RCHY1: variants seen among roughly 807,000 people sequenced by gnomAD.
The protein encoded by RCHY1 is ring finger and CHY zinc finger domain containing 1.
Under a neutral mutation model 41.6 loss-of-function variants are expected in RCHY1, and 21 were observed. That is an observed-to-expected ratio of 0.51 (90% CI 0.36 to 0.73). The LOEUF (loss-of-function observed/expected upper bound fraction) is 0.73, where lower values mean the gene tolerates loss of function less well. Ranked by LOEUF, RCHY1 falls within the 30% of genes least tolerant of loss-of-function variation. RCHY1 has a pLI of 0.00. For synonymous variants in RCHY1, 79 were observed against 102.9 expected (o/e 0.77, Z 1.41); for missense variants, 265 against 325.3 (o/e 0.81, Z 1.43).
intron 3 of RCHY1, among the ~76,000 whole-genome samples, chr4:75,504,678 G>A (rs1286562621): frequency 6.6e-6 from 1 of 152,090 alleles, no homozygotes; most frequent in Non-Finnish European, 1.5e-5. Context: ...CATTGTTCAA[G>A]GGTCAAAAGC....
At position 75,514,294 on chromosome 4, in the gene RCHY1, A is replaced by AC. The variant is rs1560536602; in HGVS notation, c.-9dup. The AC allele has an allele frequency of 6.2e-7, 1 of 1,606,058 alleles. No homozygotes were observed. The highest frequency in any genetic ancestry group is 1.7e-5 in the Admixed American group (1 of 59,722). On this transcript the variant is annotated 5_prime_UTR_variant, in exon 1 of 9. Coordinates refer to ENST00000324439, the MANE Select transcript of RCHY1 (RefSeq NM_015436.4). ...CCGGGCCGTCGCCGCCATCTCCTCCACCTCCCCTCACATTCCACCGATCCT... is the reference window on the plus strand; with the variant it reads ...CCGGGCCGTCGCCGCCATCTCCTCCACCCTCCCCTCACATTCCACCGATCCT...
Position 75,514,181 on chromosome 4 carries a change from C to T in RCHY1, c.90+16G>A, listed in dbSNP as rs1478419930. On this transcript the variant is annotated intron_variant, in intron 1 of 8. Transcript: ENST00000324439. The stretch of plus-strand genomic sequence containing the variant: ...TGACGGAAGCTTGTCAGGGAAGAGT[C>T]CATAGAAGGCGTCACCTTTAGGAGA... The T allele has an allele frequency of 3.7e-6, 6 of 1,606,110 alleles. No individual in the cohort carries two copies. In the East Asian group the frequency reaches 9.0e-5, roughly 24 times the overall value.
intron 1 of RCHY1, among the ~76,000 whole-genome samples, chr4:75,513,152 T>C (rs1725117780): frequency 6.6e-6 from 1 of 152,156 alleles, no homozygotes. Flanking sequence ...TCCAGTTCAG[T>C]GGAGCAATGT....
rs570112850 is a variant in RCHY1, at chr4:75,479,064, T to A, written c.*3474A>T. 3 of 152,262 alleles carry A rather than the reference T, an allele frequency of 2.0e-5. No homozygotes were observed. The East Asian group carries it at 5.8e-4, about 29-fold the overall frequency. The allele number at this position is 152,262 out of a possible 1,614,324, so 9.4% of individuals were successfully genotyped here. A position where few individuals can be genotyped will look rare whatever the true frequency, so the allele number is the denominator to read the frequency against. ...AGACAAGAGGAATAAACTTTACTGA[T>A]CTATTACACAGAATGGTGAGTATAA... On this transcript the variant is annotated 3_prime_UTR_variant, in exon 9 of 9. Transcript: ENST00000324439.
intron 3 of RCHY1, among the ~76,000 whole-genome samples, chr4:75,496,996 A>G (rs1401840254): frequency 6.6e-6 from 1 of 152,122 alleles, no homozygotes; most frequent in Non-Finnish European, 1.5e-5. Context: ...AATATGAAAA[A>G]TATGTTTAAA....
At chr4:75,508,161 A>G (rs1003527137) in intron 3 of RCHY1, among the ~76,000 whole-genome samples, 6 of 152,190 alleles carry the variant, frequency 3.9e-5, no homozygotes, top group African/African-American at 1.4e-4. Context: ...TACCTCCAGC[A>G]GGGACAAGAA....
Position 75,503,479 on chromosome 4 carries a change from G to A in RCHY1, c.326+5341C>T, listed in dbSNP as rs192697367. Among the ~76,000 whole-genome samples, 105 of 152,220 alleles carry A rather than the reference G, an allele frequency of 6.9e-4. 1 individual carries two copies. The East Asian group carries it at 0.018, about 26-fold the overall frequency. ...TGGGAGGCCAAGGTGGGCGGATCAC[G>A]AGGTCAGGAGATCAAGACCATCCTG... is the stretch of plus-strand genomic sequence containing the variant. On this transcript the variant is annotated intron_variant, in intron 3 of 8. Coordinates refer to ENST00000324439, the MANE Select transcript of RCHY1 (RefSeq NM_015436.4).
chr4:75,487,095 G>T (rs964668180), intron 8 of RCHY1, among the ~76,000 whole-genome samples: 1 of 151,928 alleles, frequency 6.6e-6, no homozygotes, highest in Non-Finnish European at 1.5e-5. Context: ...AAGTTTATAA[G>T]GGAATATAAA....
rs1469850455 is a variant in RCHY1, at chr4:75,490,642, T to A, written c.596A>T (p.Gln199Leu). The A allele has an allele frequency of 6.2e-7, 1 of 1,610,578 alleles. No homozygotes were observed. Among genetic ancestry groups the A allele is most frequent in the African/African-American group, 1.3e-5 (1 of 74,848 alleles). The stretch of plus-strand genomic sequence containing the variant: ...AGTCTGTGCTACTTCATCATCCAGC[T>A]GTCTCCAATACCTGGTCATATCTAA... ...SALDMTRYWR[Q>L]LDDEVAQTPM... Residue 199 changes from glutamine (Q) to leucine (L), a missense_variant, in exon 8 of 9, where the codon CAG (glutamine) becomes CTG (leucine). Coordinates refer to ENST00000324439, the MANE Select transcript of RCHY1 (RefSeq NM_015436.4).
intron 3 of RCHY1, among the ~76,000 whole-genome samples, chr4:75,506,963 A>G (rs1449446472): frequency 1.3e-5 from 2 of 152,156 alleles, no homozygotes; most frequent in African/African-American, 4.8e-5. Flanking sequence ...GAAACCATGG[A>G]ATCAGAATAT....
Position 75,514,362 on chromosome 4 carries a change from T to C in RCHY1, c.-76A>G. On this transcript the variant is annotated 5_prime_UTR_variant, in exon 1 of 9. Transcript: ENST00000324439. ...CACGCCCAGAGAAGCTGCGCCTCTC[T>C]AGCACACCCCTCCCAGCCCCAGCGG... The C allele has an allele frequency of 1.3e-6, 2 of 1,498,140 alleles. No homozygotes were observed. Among genetic ancestry groups the C allele is most frequent in the Non-Finnish European group, 9.1e-7 (1 of 1,102,018 alleles). The allele number at this position is 1,498,140 out of a possible 1,614,324, so 92.8% of individuals were successfully genotyped here.
chr4:75,508,681 T>C (rs573421480), intron 3 of RCHY1, 139 bp downstream of exon 3: 69 of 494,270 alleles, frequency 1.4e-4, no homozygotes, highest in South Asian at 1.2e-3. Context: ...TACCGGTATT[T>C]ATCAAAACTC....
rs752420078 is a variant in RCHY1 at position 75,490,613 on chromosome 4, T to C, written c.625A>G (p.Met209Val). The C allele has an allele frequency of 3.1e-6, 5 of 1,612,674 alleles. No individual in the cohort carries two copies. The highest frequency in any genetic ancestry group is 2.2e-5 in the East Asian group (1 of 44,822). The change falls in exon 8 of 9, where the codon ATG becomes GTG. Residue 209 changes from methionine to valine, a missense_variant. By Grantham distance (21) the Met-to-Val change is conservative. Transcript: ENST00000324439. ...QLDDEVAQTP[M>V]PSEYQNMTVD... Reference sequence around the variant, plus strand: ...GTCATGTTCTGATATTCTGATGGCATAGGAGTCTGTGCTACTTCATCATCC... The same window carrying C: ...GTCATGTTCTGATATTCTGATGGCACAGGAGTCTGTGCTACTTCATCATCC...
chr4:75,514,386 G>A lies in RCHY1; in HGVS notation c.-100C>T, dbSNP rs552205454. ...CTAGCACACCCCTCCCAGCCCCAGC[G>A]GCCACTAGCGACAATATGGCTCCTA... On this transcript the variant is annotated 5_prime_UTR_variant, in exon 1 of 9. Coordinates refer to ENST00000324439, the MANE Select transcript of RCHY1 (RefSeq NM_015436.4). The A allele has an allele frequency of 3.7e-6, 5 of 1,354,770 alleles. No homozygotes were observed. The highest frequency in any genetic ancestry group is 2.5e-5 in the East Asian group (1 of 39,762). 83.9% of individuals were successfully genotyped at this position (1,354,770 alleles called of 1,614,324 possible).
chr4:75,509,724 T>C (rs1472394393), intron 1 of RCHY1: 2 of 170,574 alleles, frequency 1.2e-5, no homozygotes, highest in Non-Finnish European at 2.5e-5. Flanking sequence ...TGATAATGAA[T>C]AAAATCTCAT....
At chr4:75,491,474 C>T (rs1722742114) in intron 7 of RCHY1, 137 bp downstream of exon 7, 2 of 695,888 alleles carry the variant, frequency 2.9e-6, no homozygotes, top group Non-Finnish European at 4.8e-6. Flanking sequence ...TAACAATATT[C>T]ATCTACCCTA....
intron 3 of RCHY1, among the ~76,000 whole-genome samples, chr4:75,498,887 T>G (rs747073787): frequency 6.6e-6 from 1 of 152,130 alleles, no homozygotes; most frequent in Non-Finnish European, 1.5e-5. Context: ...TGGCAAAGAT[T>G]TTTTTGTGTA....
intron 8 of RCHY1, among the ~76,000 whole-genome samples, chr4:75,485,154 G>C (rs1270675823): frequency 6.6e-6 from 1 of 152,106 alleles, no homozygotes; most frequent in Non-Finnish European, 1.5e-5. Context: ...CTCTTTTTCA[G>C]ATCTATCCAT....
At chr4:75,510,342 C>T (rs926135976) in intron 1 of RCHY1, among the ~76,000 whole-genome samples, 1 of 152,196 alleles carries the variant, frequency 6.6e-6, no homozygotes, top group Non-Finnish European at 1.5e-5. Context: ...AAAACCTTTA[C>T]TCTTTAATCT....
Sources: allele counts gnomAD v4.1 joint callset (sites outside exome capture counted in the v4.1 genomes callset), GRCh38; gene constraint gnomAD v4.1.1; transcripts MANE v1.5; gene names NCBI Gene and HGNC (gene_info 2026-07-23, HGNC 2026-07-21).